RPTOR: variants seen among roughly 807,000 people sequenced by gnomAD.
RPTOR encodes regulatory-associated protein of mTOR.
A neutral mutation model predicts 169.9 loss-of-function variants in RPTOR; 21 were observed. The ratio of observed to expected loss-of-function variants is 0.12; its 90% confidence interval spans 0.09 to 0.18. The LOEUF is 0.18. RPTOR is among the 10% of genes least tolerant of loss of function. The pLI is 1.00. For synonymous variants in RPTOR, 732 were observed against 753.2 expected (o/e 0.97, Z 0.46); for missense variants, 1,133 against 1,855.9 (o/e 0.61, Z 7.16).
At chr17:80,830,553 C>T (rs1312593109) in intron 9 of RPTOR, among the ~76,000 whole-genome samples, 1 of 152,230 alleles carries the variant, frequency 6.6e-6, no homozygotes, top group Non-Finnish European at 1.5e-5. Context: ...TGCTGCGCCC[C>T]ACGGTGCCCC....
At chr17:80,935,799 G>A (rs7216712) in intron 24 of RPTOR, among the ~76,000 whole-genome samples, 8,405 of 152,172 alleles carry the variant, frequency 0.055, 619 homozygotes, top group African/African-American at 0.17. Context: ...TTCTGACCTT[G>A]TAGGTTAGGC....
intron 6 of RPTOR, among the ~76,000 whole-genome samples, chr17:80,757,605 T>C (rs928610612): frequency 1.3e-5 from 2 of 152,202 alleles, no homozygotes; most frequent in African/African-American, 4.8e-5. Flanking sequence ...TGTAAATTGA[T>C]ATATCATAGT....
chr17:80,842,689 G>A (rs1214194134), intron 10 of RPTOR, among the ~76,000 whole-genome samples: 2 of 152,182 alleles, frequency 1.3e-5, no homozygotes, highest in Admixed American at 6.5e-5. Flanking sequence ...TTATGGTTCC[G>A]GCTTTTGGTA....
At chr17:80,788,868 C>G (rs919218212) in intron 6 of RPTOR, among the ~76,000 whole-genome samples, 2 of 152,168 alleles carry the variant, frequency 1.3e-5, no homozygotes, top group Non-Finnish European at 2.9e-5. Flanking sequence ...CACTCTTTGA[C>G]CTTTCATTGC....
At chr17:80,673,825 C>A (rs1247981978) in intron 3 of RPTOR, among the ~76,000 whole-genome samples, 1 of 152,200 alleles carries the variant, frequency 6.6e-6, no homozygotes, top group Non-Finnish European at 1.5e-5. Flanking sequence ...GTTTGCTCAA[C>A]TGTAATTATT....
At chr17:80,568,802 C>T (rs184709309) in intron 1 of RPTOR, among the ~76,000 whole-genome samples, 76 of 152,224 alleles carry the variant, frequency 5.0e-4, no homozygotes, top group Admixed American at 2.3e-3. Context: ...GCAATGTCTT[C>T]GCGTTCTCTC....
At chr17:80,903,384 C>T (rs1038373084) in intron 20 of RPTOR, among the ~76,000 whole-genome samples, 1 of 152,228 alleles carries the variant, frequency 6.6e-6, no homozygotes, top group African/African-American at 2.4e-5. Context: ...GAGACCCGAG[C>T]CCAGAAACTG....
At position 80,651,437 on chromosome 17, in the gene RPTOR, T is replaced by C. The variant is rs956969304; in HGVS notation, c.348+7627T>C. Among the ~76,000 whole-genome samples the C allele has an allele frequency of 4.6e-5, 7 of 152,226 alleles. No individual in the cohort carries two copies. Among genetic ancestry groups the C allele is most frequent in the African/African-American group, 1.7e-4 (7 of 41,460 alleles). On this transcript the variant is annotated intron_variant, in intron 3 of 33. Transcript: ENST00000306801. This position sits in a 1 kb window ranked among gnomAD's most constrained non-coding sequence, Gnocchi z 4.1. ...TTCATTTTGCAGGGGAAACCATATG[T>C]CACAGTGGTGTTCATGAATTTGGGT...
chr17:80,824,980 C>T (rs2143625027), intron 9 of RPTOR, among the ~76,000 whole-genome samples: 1 of 151,588 alleles, frequency 6.6e-6, no homozygotes, highest in Admixed American at 6.6e-5. Flanking sequence ...CATCTAGAGG[C>T]CGCGTGGCGA....
intron 1 of RPTOR, among the ~76,000 whole-genome samples, chr17:80,622,831 A>G (rs536001500): frequency 2.6e-5 from 4 of 152,212 alleles, no homozygotes; most frequent in Admixed American, 2.6e-4. Context: ...TGAGCCCAGG[A>G]GGTGGAGGTT....
At chr17:80,595,354 A>C (rs2065137204) in intron 1 of RPTOR, among the ~76,000 whole-genome samples, 1 of 152,228 alleles carries the variant, frequency 6.6e-6, no homozygotes, top group Non-Finnish European at 1.5e-5. Context: ...TGAAGCCTGC[A>C]GTAAAACACT....
At chr17:80,648,398 G>A (rs774388413) in intron 3 of RPTOR, among the ~76,000 whole-genome samples, 7 of 151,984 alleles carry the variant, frequency 4.6e-5, no homozygotes, top group African/African-American at 1.5e-4. Flanking sequence ...TTTGGAGTGA[G>A]GATAATTGGA....
chr17:80,787,045 C>G (rs570527622), intron 6 of RPTOR, among the ~76,000 whole-genome samples: 3 of 152,198 alleles, frequency 2.0e-5, no homozygotes, highest in Non-Finnish European at 2.9e-5. Context: ...CCACGCAGGG[C>G]GCCCTTGATG....
At chr17:80,825,500 C>G (rs996595912) in intron 9 of RPTOR, among the ~76,000 whole-genome samples, 2 of 152,256 alleles carry the variant, frequency 1.3e-5, no homozygotes, top group African/African-American at 4.8e-5. Context: ...TAGCTGCAGC[C>G]TCTCCCAGCG....
chr17:80,891,852 C>A lies in RPTOR; in HGVS notation c.2101+15C>A, dbSNP rs566994990. 7.0e-6 allele frequency: 11 copies of A among 1,569,096 alleles called. No individual in the cohort carries two copies. In the East Asian group the frequency reaches 2.5e-4, roughly 35 times the overall value. On this transcript the variant is annotated intron_variant, in intron 18 of 33. Coordinates refer to ENST00000306801, the MANE Select transcript of RPTOR (RefSeq NM_020761.3). ...AGCAACCACAGGTATGGCGTCTTCT[C>A]CTGTGAACCCGCAGAGCACCTCGCC...
chr17:80,923,193 C>T (rs1181256109), intron 22 of RPTOR, among the ~76,000 whole-genome samples: 3 of 152,218 alleles, frequency 2.0e-5, no homozygotes, highest in Non-Finnish European at 4.4e-5. Flanking sequence ...GTGCTGAGCT[C>T]GCACATCCCG....
At chr17:80,923,463 C>T (rs2143980709) in intron 22 of RPTOR, 27 bp from the exon 23 acceptor site, 1 of 1,613,002 alleles carries the variant, frequency 6.2e-7, no homozygotes. Flanking sequence ...GCAGAGGATG[C>T]AGTGTTTGTT....
chr17:80,812,587 C>T (rs893963406), intron 7 of RPTOR, among the ~76,000 whole-genome samples: 2 of 152,138 alleles, frequency 1.3e-5, no homozygotes, highest in Non-Finnish European at 2.9e-5. Flanking sequence ...CTGCTGGGTC[C>T]CTTTTTTGGA....
intron 4 of RPTOR, among the ~76,000 whole-genome samples, chr17:80,723,055 G>A (rs1037024115): frequency 7.3e-5 from 11 of 151,292 alleles, no homozygotes; most frequent in Admixed American, 2.0e-4. Context: ...TGAGATTGAG[G>A]ATCAAAGTTT....
Sources: gnomAD v4.1 joint callset for allele counts (sites outside exome capture counted in the v4.1 genomes callset) on GRCh38, gnomAD v4.1.1 for gene constraint, Gnocchi (gnomAD v3.1) non-coding constraint, MANE v1.5 for transcripts, NCBI Gene and HGNC (gene_info 2026-07-23, HGNC 2026-07-21) for gene names.